The following BDP1 variants were observed in gnomAD, a reference collection of about 807,000 sequenced individuals.
The protein encoded by BDP1 is BDP1 general transcription factor IIIB subunit.
In BDP1, 169 loss-of-function variants were observed where a neutral mutation model predicts 266.6. The observed-to-expected ratio is 0.63, with a 90% CI of 0.56 to 0.72. The LOEUF (loss-of-function observed/expected upper bound fraction) is 0.72, where lower values mean the gene tolerates loss of function less well. Ranked by LOEUF, BDP1 falls within the 30% of genes least tolerant of loss-of-function variation. The pLI is 0.00. For synonymous variants in BDP1, 1,090 were observed against 1,022.4 expected, an observed-to-expected ratio of 1.07 and a Z score of -1.26; for missense variants, 3,015 against 3,053.8, an observed-to-expected ratio of 0.99 and a Z score of 0.30.
At chr5:71,574,378 GGGGCCTGGCCCT>G in the BDP1 span, among the ~76,000 whole-genome samples, 2 of 152,158 alleles carry the variant, frequency 1.3e-5, no homozygotes, top group East Asian at 3.9e-4. Flanking sequence ...GAAACGAGAC[GGGGCCTGGCCCT>G]GGGCCTCTCA....
In BDP1 at chr5:71,566,700, C is replaced by G. The variant is rs1485505514; in HGVS notation, c.*1815C>G. The G allele has an allele frequency of 6.6e-6, 1 of 152,118 alleles. No individual in the cohort carries two copies. The highest frequency in any genetic ancestry group is 1.9e-4 in the East Asian group (1 of 5,200). 9.4% of individuals were successfully genotyped at this position (152,118 alleles called of 1,614,324 possible). ...GCTGGATTGGCCTTTTAGTTTGACC[C>G]CCTACATTAGGCCCCAAATTTTCTT... On this transcript the variant is annotated 3_prime_UTR_variant, in exon 39 of 39. Coordinates refer to ENST00000358731, the MANE Select transcript of BDP1 (RefSeq NM_018429.3).
Position 71,553,295 on chromosome 5 carries a change from A to G in BDP1, c.7175A>G (p.Asp2392Gly), listed in dbSNP as rs754825922. ...AAAAAACGTTCACTCACTTTAAGAG[A>G]TGACTGTCAAGAATATACCACTGAG... is the stretch of plus-strand genomic sequence containing the variant. Reference protein sequence around the residue: ...PAKKRSLTLRDDCQEYTTEVH... With the variant: ...PAKKRSLTLRGDCQEYTTEVH... The change falls in exon 35 of 39, where the codon GAT (aspartate) becomes GGT (glycine). Residue 2392 changes from aspartate (D) to glycine (G), a missense_variant. Physicochemically the swap from Asp to Gly is moderately conservative, Grantham distance 94. This residue lies in a region of BDP1 where 629 missense variants were observed against 632.5 expected (regional missense o/e 0.99). Transcript: ENST00000358731. 8.7e-6 allele frequency: 14 copies of G among 1,612,706 alleles called. No individual in the cohort carries two copies. The Admixed American group carries it at 2.3e-4, about 27-fold the overall frequency.
chr5:71,578,159 G>A, the BDP1 span, among the ~76,000 whole-genome samples: 1 of 152,166 alleles, frequency 6.6e-6, no homozygotes, highest in Non-Finnish European at 1.5e-5. Flanking sequence ...ACTCTGGACC[G>A]AGCAGCTGAC....
At chr5:71,543,404 T>C (rs1481060319) in intron 30 of BDP1, among the ~76,000 whole-genome samples, 1 of 152,140 alleles carries the variant, frequency 6.6e-6, no homozygotes, top group Non-Finnish European at 1.5e-5. Context: ...TGAGACCAGC[T>C]TGGGCAATAT....
At chr5:71,548,625 CTTTTTAAA>C in intron 32 of BDP1, 49 bp from the exon 33 acceptor site, 1 of 1,091,784 alleles carries the variant, frequency 9.2e-7, no homozygotes, top group Middle Eastern at 2.1e-4. Flanking sequence ...ACAGGAATAA[CTTTTTAAA>C]TGTAAGATTT....
chr5:71,509,114 G>A (rs1336210323), intron 16 of BDP1, among the ~76,000 whole-genome samples: 1 of 152,124 alleles, frequency 6.6e-6, no homozygotes, highest in East Asian at 1.9e-4. Context: ...GGTAGAAATA[G>A]CAGACATACA....
intron 16 of BDP1, among the ~76,000 whole-genome samples, chr5:71,506,824 C>CACA: frequency 1.5e-5 from 1 of 65,674 alleles, no homozygotes; most frequent in South Asian, 6.7e-4. Context: ...CACACACACA[C>CACA]CCATATTTTT....
the BDP1 span, among the ~76,000 whole-genome samples, chr5:71,577,202 A>G: frequency 6.6e-6 from 1 of 152,172 alleles, no homozygotes; most frequent in African/African-American, 2.4e-5. Context: ...GGCTGCCACA[A>G]TTGCTTTACA....
At chr5:71,474,804 A>G (rs1026013741) in intron 7 of BDP1, among the ~76,000 whole-genome samples, 4 of 151,008 alleles carry the variant, frequency 2.6e-5, no homozygotes, top group South Asian at 2.1e-4. Flanking sequence ...CCGAAATTGC[A>G]TCACTGCACT....
chr5:71,466,014 T>C, intron 4 of BDP1, 82 bp from the exon 5 acceptor site: 1 of 1,423,720 alleles, frequency 7.0e-7, no homozygotes, highest in Non-Finnish European at 9.6e-7. Context: ...AGGTTGAGTT[T>C]GTAATCATTT....
Position 71,486,582 on chromosome 5 carries a change from A to G in BDP1, c.1168A>G (p.Ser390Gly). ...AAAACAAAAATCTGTTAAAAATCAC[A>G]GTTTAAAGGAGAAGAAATCCACCAA... The part of the protein sequence containing the change: ...KRKQKSVKNH[S>G]LKEKKSTKPR... Residue 390 changes from serine (S) to glycine (G), a missense_variant, in exon 9 of 39, where the codon AGT (serine) becomes GGT (glycine). Ser to Gly is a moderately conservative substitution (Grantham distance 56). Transcript: ENST00000358731. The G allele has an allele frequency of 6.5e-7, 1 of 1,536,772 alleles. No individual in the cohort carries two copies. The highest frequency in any genetic ancestry group is 1.4e-5 in the African/African-American group (1 of 69,468).
At chr5:71,493,104 ACT>A (rs1763687318) in intron 11 of BDP1, among the ~76,000 whole-genome samples, 1 of 152,068 alleles carries the variant, frequency 6.6e-6, no homozygotes, top group African/African-American at 2.4e-5. Context: ...TGTCTCTATG[ACT>A]CTGTCTAATC....
At chr5:71,476,623 C>T (rs776802812) in intron 7 of BDP1, among the ~76,000 whole-genome samples, 1 of 152,146 alleles carries the variant, frequency 6.6e-6, no homozygotes, top group Admixed American at 6.5e-5. Flanking sequence ...TCACTGCATC[C>T]TCTGCTTTCC....
chr5:71,558,857 C>A (rs1483681664), intron 36 of BDP1, among the ~76,000 whole-genome samples: 1 of 148,554 alleles, frequency 6.7e-6, no homozygotes. Context: ...ACAAAAAAAC[C>A]CCACACATAT....
chr5:71,527,976 A>G (rs1482233930), intron 25 of BDP1, among the ~76,000 whole-genome samples: 1 of 151,536 alleles, frequency 6.6e-6, no homozygotes, highest in Admixed American at 6.6e-5. Flanking sequence ...CTGCCACCAC[A>G]CCCAGCTAAT....
intron 13 of BDP1, among the ~76,000 whole-genome samples, 154 bp downstream of exon 13, chr5:71,497,580 A>G (rs1763972367): frequency 6.6e-6 from 1 of 152,230 alleles, no homozygotes; most frequent in East Asian, 1.9e-4. Flanking sequence ...TTCGTATCTT[A>G]TTAGTCTCCT....
chr5:71,496,980 C>T (rs1032084235), intron 12 of BDP1, among the ~76,000 whole-genome samples: 11 of 152,146 alleles, frequency 7.2e-5, no homozygotes, highest in Non-Finnish European at 1.2e-4. Context: ...GAGTTGCTAC[C>T]TTCAATATAT....
chr5:71,470,264 T>C (rs1762157187), intron 6 of BDP1, 131 bp from the exon 7 acceptor site: 1 of 666,816 alleles, frequency 1.5e-6, no homozygotes, highest in African/African-American at 1.9e-5. Flanking sequence ...TTATTTATAA[T>C]AAGGTGTTTT....
intron 28 of BDP1, among the ~76,000 whole-genome samples, chr5:71,541,131 G>GT (rs1561769950): frequency 2.0e-5 from 3 of 151,488 alleles, no homozygotes; most frequent in Non-Finnish European, 4.4e-5. Flanking sequence ...TGCTGACAGT[G>GT]CTGTCTTGAA....
Sources: gnomAD v4.1 joint callset for allele counts (sites outside exome capture counted in the v4.1 genomes callset) on GRCh38, gnomAD v4.1.1 for gene constraint, gnomAD v4.1.1 regional missense constraint, MANE v1.5 for transcripts, NCBI Gene and HGNC (gene_info 2026-07-23, HGNC 2026-07-21) for gene names.